Variants in CRACDL observed in about 807,000 individuals in gnomAD.
CRACDL encodes the protein CRACD like, also known as CRACD-like protein.
A neutral mutation model predicts 70.6 loss-of-function variants in CRACDL; 26 were observed. That is an observed-to-expected ratio of 0.37 (90% CI 0.27 to 0.51). CRACDL has a LOEUF of 0.51. CRACDL is among the 20% of genes least tolerant of loss of function. The pLI is 0.94. For synonymous variants in CRACDL, 618 were observed against 615.2 expected, an observed-to-expected ratio of 1.00 and a Z score of -0.07; for missense variants, 1,283 against 1,376.9, an observed-to-expected ratio of 0.93 and a Z score of 1.08.
chr2:98,919,047 T>C (rs756249411), intron 1 of CRACDL, among the ~76,000 whole-genome samples: 6 of 152,194 alleles, frequency 3.9e-5, no homozygotes, highest in Non-Finnish European at 7.3e-5. Flanking sequence ...TTTCTTCTAG[T>C]GTTTTTACAG....
chr2:98,895,990 G>T (rs572996828), intron 1 of CRACDL, among the ~76,000 whole-genome samples: 2 of 152,280 alleles, frequency 1.3e-5, no homozygotes, highest in East Asian at 3.9e-4. Flanking sequence ...GAATCTGCTG[G>T]CGCCTTGATC....
chr2:98,858,870 C>T (rs1421243315), intron 1 of CRACDL, among the ~76,000 whole-genome samples: 1 of 151,834 alleles, frequency 6.6e-6, no homozygotes, highest in Non-Finnish European at 1.5e-5. Context: ...TACTGTATGC[C>T]AAAAAATTAG....
chr2:98,798,466 A>AAT (rs1703934621), intron 7 of CRACDL, among the ~76,000 whole-genome samples: 8 of 150,164 alleles, frequency 5.3e-5, no homozygotes, highest in Admixed American at 1.3e-4. Flanking sequence ...AAAAAAAAAA[A>AAT]AAAAAAAAGA....
Position 98,822,446 on chromosome 2 carries a change from G to C in CRACDL, c.1827C>G (p.Ser609Arg). 6.7e-7 allele frequency: 1 copy of C among 1,483,182 alleles called. No individual in the cohort carries two copies. Among genetic ancestry groups the C allele is most frequent in the East Asian group, 2.9e-5 (1 of 34,556 alleles). 91.9% of individuals were successfully genotyped at this position (1,483,182 alleles called of 1,614,324 possible). A position where few individuals can be genotyped will look rare whatever the true frequency, so the allele number is the denominator to read the frequency against. Reference sequence around the variant, plus strand: ...CCTGGAGGTCGTCAAGAGCCGCCTCGCTCCTCCAGACCGGGCCGCTCCTCG... The same window carrying C: ...CCTGGAGGTCGTCAAGAGCCGCCTCCCTCCTCCAGACCGGGCCGCTCCTCG... ...PLARSGPVWRSEAALDDLQGL... is the reference protein window; with the variant it reads ...PLARSGPVWRREAALDDLQGL... The change falls in exon 7 of 10, where the codon AGC becomes AGG. Residue 609 changes from serine (S) to arginine (R), a missense_variant. This residue lies in a region of CRACDL where 921 missense variants were observed against 881.9 expected (regional missense o/e 1.04). Transcript: ENST00000397899. This position sits in a 1 kb window ranked among gnomAD's most constrained non-coding sequence, Gnocchi z 4.9.
At chr2:98,835,047 A>G (rs971746267) in intron 3 of CRACDL, among the ~76,000 whole-genome samples, 5 of 152,228 alleles carry the variant, frequency 3.3e-5, no homozygotes. Context: ...GGGAAGGGAT[A>G]AGGAAATTAT....
At chr2:98,795,075 A>ATT (rs1310155610) in intron 9 of CRACDL, among the ~76,000 whole-genome samples, 5 of 24,454 alleles carry the variant, frequency 2.0e-4, no homozygotes, top group African/African-American at 5.3e-4. Flanking sequence ...ATATATATAT[A>ATT]TATTTTTTTT....
intron 7 of CRACDL, among the ~76,000 whole-genome samples, chr2:98,819,355 TCAG>T (rs770101865): frequency 3.3e-5 from 5 of 151,778 alleles, no homozygotes; most frequent in African/African-American, 7.2e-5. Flanking sequence ...GCCATGAAGG[TCAG>T]GGTTTCATGT....
intron 8 of CRACDL, among the ~76,000 whole-genome samples, chr2:98,796,789 G>C (rs1703841239): frequency 6.6e-6 from 1 of 152,160 alleles, no homozygotes; most frequent in African/African-American, 2.4e-5. Flanking sequence ...AAAATTGCGA[G>C]TCTCGGCCTG....
At chr2:98,891,878 GA>G (rs1707990051) in intron 1 of CRACDL, among the ~76,000 whole-genome samples, 4 of 152,158 alleles carry the variant, frequency 2.6e-5, no homozygotes, top group African/African-American at 9.7e-5. Flanking sequence ...GATTTATAAA[GA>G]GGTCCTATAA....
At chr2:98,929,743 T>C (rs1232578021) in intron 1 of CRACDL, among the ~76,000 whole-genome samples, 4 of 152,082 alleles carry the variant, frequency 2.6e-5, no homozygotes, top group African/African-American at 9.7e-5. Flanking sequence ...TCAAATTGTT[T>C]GGGAACATTC....
chr2:98,900,577 C>T (rs1708252951), intron 1 of CRACDL, among the ~76,000 whole-genome samples: 5 of 152,098 alleles, frequency 3.3e-5, no homozygotes, highest in African/African-American at 9.7e-5. Context: ...AGGGCCTGTC[C>T]CCTCTGTGTG....
intron 1 of CRACDL, among the ~76,000 whole-genome samples, chr2:98,885,754 G>A (rs766935934): frequency 3.9e-5 from 6 of 152,154 alleles, no homozygotes; most frequent in Non-Finnish European, 7.4e-5. Flanking sequence ...GTGAATGAGT[G>A]ACAAAACTGA....
intron 5 of CRACDL, among the ~76,000 whole-genome samples, chr2:98,830,849 C>G (rs1369372944): frequency 1.3e-5 from 2 of 152,138 alleles, no homozygotes; most frequent in Non-Finnish European, 2.9e-5. Context: ...CTCTTACTGC[C>G]CGTCCTGGCT....
At chr2:98,897,347 T>C (rs1341266210) in intron 1 of CRACDL, 1 of 1,297,912 alleles carries the variant, frequency 7.7e-7, no homozygotes, top group Non-Finnish European at 1.0e-6. Context: ...TCGCTAAATA[T>C]ATATTTGCCT....
rs143024062 is a variant in CRACDL at position 98,932,247 on chromosome 2, G to C, written c.-11+3691C>G. ...GCCACAGGTGGGCCTGTGAACACCA[G>C]GCCGGGCCGGCCTGTCTCCCTTTCA... is the stretch of plus-strand genomic sequence containing the variant. On this transcript the variant is annotated intron_variant, in intron 1 of 9. Transcript: ENST00000397899. 6.2e-3 allele frequency among the ~76,000 whole-genome samples: 948 copies of C among 152,248 alleles called. 9 individuals carry two copies. The highest frequency in any genetic ancestry group is 0.022 in the African/African-American group (899 of 41,534).
At chr2:98,925,271 G>T (rs114594219) in intron 1 of CRACDL, among the ~76,000 whole-genome samples, 12 of 152,196 alleles carry the variant, frequency 7.9e-5, no homozygotes, top group Admixed American at 2.6e-4. Flanking sequence ...TGCACACTTG[G>T]GGGGAGGAAC....
At chr2:98,884,590 C>T (rs1707753058) in intron 1 of CRACDL, among the ~76,000 whole-genome samples, 1 of 152,182 alleles carries the variant, frequency 6.6e-6, no homozygotes, top group African/African-American at 2.4e-5. Context: ...GTGTTGAAAC[C>T]TAATCCCCAG....
At chr2:98,814,346 T>C (rs946818941) in intron 7 of CRACDL, among the ~76,000 whole-genome samples, 2 of 152,176 alleles carry the variant, frequency 1.3e-5, no homozygotes, top group Non-Finnish European at 2.9e-5. Flanking sequence ...AATTTTGATA[T>C]GTTGTATTTT....
At chr2:98,907,940 C>T (rs1383027476) in intron 1 of CRACDL, among the ~76,000 whole-genome samples, 1 of 152,138 alleles carries the variant, frequency 6.6e-6, no homozygotes, top group Non-Finnish European at 1.5e-5. Flanking sequence ...AAGCAGAAAA[C>T]CTAATGTTTC....
Sources: gnomAD v4.1 joint callset for allele counts (sites outside exome capture counted in the v4.1 genomes callset) on GRCh38, gnomAD v4.1.1 for gene constraint, gnomAD v4.1.1 regional missense constraint, Gnocchi (gnomAD v3.1) non-coding constraint, MANE v1.5 for transcripts, NCBI Gene and HGNC (gene_info 2026-07-23, HGNC 2026-07-21) for gene names.